FGD6: variants seen among roughly 807,000 people sequenced by gnomAD.
FGD6 encodes FYVE, RhoGEF and PH domain-containing protein 6.
Under a neutral mutation model 149.4 loss-of-function variants are expected in FGD6, and 90 were observed. The ratio of observed to expected loss-of-function variants is 0.60; its 90% CI spans 0.51 to 0.72. The LOEUF (loss-of-function observed/expected upper bound fraction) is 0.72. FGD6 is among the 30% of genes least tolerant of loss of function. The pLI is 0.00. For missense variants in FGD6, 1,437 were observed against 1,684.8 expected (o/e 0.85, Z 2.57); for synonymous variants, 527 against 584.0 (o/e 0.90, Z 1.41).
intron 3 of FGD6, among the ~76,000 whole-genome samples, chr12:95,158,002 T>C (rs1880524603): frequency 6.6e-6 from 1 of 151,262 alleles, no homozygotes; most frequent in Non-Finnish European, 1.5e-5. Flanking sequence ...CATGCACTAC[T>C]ACACTCAGCT....
intron 5 of FGD6, among the ~76,000 whole-genome samples, chr12:95,150,630 G>GA (rs1880283523): frequency 6.6e-6 from 1 of 150,400 alleles, no homozygotes; most frequent in Non-Finnish European, 1.5e-5. Context: ...TTTTTTTTTG[G>GA]AAAAAGGGTT....
rs1417508509 is a variant in FGD6, at chr12:95,124,375, C to G, written c.3082+10364G>C. 2.6e-5 allele frequency among the ~76,000 whole-genome samples: 4 copies of G among 152,284 alleles called. No homozygotes were observed. In the East Asian group the frequency reaches 7.7e-4, roughly 29 times the overall value. On this transcript the variant is annotated intron_variant, in intron 8 of 20. Transcript: ENST00000343958. Reference sequence around the variant, plus strand: ...CCTGAGTATCAACAAAGCAAACTTACGTTTAGGGACATAAGCACATTTTAT... The same window carrying G: ...CCTGAGTATCAACAAAGCAAACTTAGGTTTAGGGACATAAGCACATTTTAT...
chr12:95,106,859 A>G (rs61938198), intron 13 of FGD6, 95 bp downstream of exon 13: 286,161 of 981,300 alleles, frequency 0.29, 43,817 homozygotes, highest in East Asian at 0.38. Flanking sequence ...GTACCACTGC[A>G]CTCCAGCCTG....
chr12:95,169,985 G>T (rs1035396919), intron 3 of FGD6, among the ~76,000 whole-genome samples: 5 of 151,968 alleles, frequency 3.3e-5, no homozygotes, highest in Non-Finnish European at 1.5e-5. Flanking sequence ...GCCAGGTATG[G>T]TGGTGGGTGC....
chr12:95,141,401 T>C lies in FGD6; in HGVS notation c.2824A>G (p.Arg942Gly), dbSNP rs753333261. The change falls in exon 6 of 21, where the codon AGA becomes GGA. Residue 942 changes from arginine (R) to glycine (G), a missense_variant. Physicochemically the swap from Arg to Gly is moderately radical, Grantham distance 125. This residue lies in a region of FGD6 where 1,055 missense variants were observed against 1,146.0 expected (regional missense o/e 0.92). Coordinates refer to ENST00000343958, the MANE Select transcript of FGD6 (RefSeq NM_018351.4). ...GTCCATTTTTACCAGTGCAACATTC[T>C]TTCCTCCAGTTCCTTCAAGAGATCC... ...NRDLLKELEE[R>G]MLHWTEQQRI... The C allele has an allele frequency of 2.5e-6, 4 of 1,614,080 alleles. No individual in the cohort carries two copies. In the Admixed American group the frequency reaches 5.0e-5, roughly 20 times the overall value.
chr12:95,152,238 A>G (rs565050341), intron 5 of FGD6, among the ~76,000 whole-genome samples: 1 of 152,222 alleles, frequency 6.6e-6, no homozygotes, highest in South Asian at 2.1e-4. Context: ...AGGTAGGAGA[A>G]TTGCCTGAAC....
chr12:95,085,448 C>T (rs1409173228), intron 19 of FGD6: 2 of 274,204 alleles, frequency 7.3e-6, no homozygotes, highest in Non-Finnish European at 1.3e-5. Context: ...GGTGATCCAC[C>T]CCCACTCAGC....
chr12:95,080,834 A>G lies in FGD6; in HGVS notation c.*686T>C, dbSNP rs1877650957. The G allele has an allele frequency of 6.6e-6, 1 of 152,230 alleles. No individual in the cohort carries two copies. Among genetic ancestry groups the G allele is most frequent in the African/African-American group, 2.4e-5 (1 of 41,468 alleles). 9.4% of individuals were successfully genotyped at this position (152,230 alleles called of 1,614,324 possible). On this transcript the variant is annotated 3_prime_UTR_variant, in exon 21 of 21. Coordinates refer to ENST00000343958, the MANE Select transcript of FGD6 (RefSeq NM_018351.4). Reference sequence around the variant, plus strand: ...TTTGTGGTATTCTGCAAATAAAAACATCTTCATTCCTACTCACAGTTTTAA... The same window carrying G: ...TTTGTGGTATTCTGCAAATAAAAACGTCTTCATTCCTACTCACAGTTTTAA...
At chr12:95,144,072 T>C (rs58613228) in intron 5 of FGD6, among the ~76,000 whole-genome samples, 28,297 of 152,160 alleles carry the variant, frequency 0.19, 2,882 homozygotes, top group Non-Finnish European at 0.21. Flanking sequence ...CTGCATTCCA[T>C]ATGTCTGCCA....
chr12:95,161,872 G>T (rs1275579668), intron 3 of FGD6, among the ~76,000 whole-genome samples: 1 of 152,074 alleles, frequency 6.6e-6, no homozygotes, highest in African/African-American at 2.4e-5. Context: ...AAACATTAGT[G>T]ATCATTAGAA....
At chr12:95,094,360 A>G (rs1348070497) in intron 15 of FGD6, among the ~76,000 whole-genome samples, 2 of 152,182 alleles carry the variant, frequency 1.3e-5, no homozygotes, top group South Asian at 2.1e-4. Context: ...ATGAAGTTTT[A>G]TAGCTGGGAA....
rs191358437 is a variant in FGD6, at chr12:95,212,913, G to A, written c.17-1646C>T. Reference sequence around the variant, plus strand: ...GCAATAAAGATTATATGATGTATATGATGATACATGTCCTCTCACTCAATT... The same window carrying A: ...GCAATAAAGATTATATGATGTATATAATGATACATGTCCTCTCACTCAATT... On this transcript the variant is annotated intron_variant, in intron 1 of 20. Coordinates refer to ENST00000343958, the MANE Select transcript of FGD6 (RefSeq NM_018351.4). Among the ~76,000 whole-genome samples the A allele has an allele frequency of 6.1e-3, 930 of 152,270 alleles. 22 individuals carry two copies. The highest frequency in any genetic ancestry group is 3.9e-3 in the Non-Finnish European group (265 of 68,018).
At chr12:95,088,443 C>G (rs1488242818) in intron 18 of FGD6, among the ~76,000 whole-genome samples, 1 of 152,188 alleles carries the variant, frequency 6.6e-6, no homozygotes, top group Admixed American at 6.5e-5. Flanking sequence ...ACTGAGAGTA[C>G]TGAGGCTCTA....
intron 8 of FGD6, among the ~76,000 whole-genome samples, chr12:95,129,759 A>G (rs1286165735): frequency 6.6e-6 from 1 of 152,004 alleles, no homozygotes; most frequent in East Asian, 1.9e-4. Flanking sequence ...TGCAACGTCC[A>G]CCTCCCAGGT....
rs1330884235 is a variant in FGD6 at position 95,210,426 on chromosome 12, T to C, written c.858A>G (p.Ser286=). 1 of 1,614,158 alleles carries C rather than the reference T, an allele frequency of 6.2e-7. No individual in the cohort carries two copies. The highest frequency in any genetic ancestry group is 1.1e-5 in the South Asian group (1 of 91,064). Residue 286 remains serine, a synonymous_variant, in exon 2 of 21, where the codon TCA becomes TCG. Transcript: ENST00000343958. ...CTTCTGATTTCTTACTAACTCCATC[T>C]GAAGATATTAAAGTACTCCTTTTCC... ...ENGKRSTLIS[S]DGVSKKSEVK... is the part of the protein sequence containing the mutation.
At chr12:95,170,093 C>T (rs964140794) in intron 3 of FGD6, among the ~76,000 whole-genome samples, 2 of 151,978 alleles carry the variant, frequency 1.3e-5, no homozygotes, top group African/African-American at 4.8e-5. Flanking sequence ...TGCACTCCAG[C>T]CTGGGAGACA....
chr12:95,215,221 T>C (rs535635187), intron 1 of FGD6, among the ~76,000 whole-genome samples: 1 of 152,364 alleles, frequency 6.6e-6, no homozygotes, highest in East Asian at 1.9e-4. Flanking sequence ...CAGATTATTT[T>C]ATAGATGTAG....
intron 18 of FGD6, among the ~76,000 whole-genome samples, chr12:95,089,340 G>A (rs1258552222): frequency 6.6e-6 from 1 of 152,132 alleles, no homozygotes; most frequent in East Asian, 1.9e-4. Context: ...TTCTATCACT[G>A]CTATTAAATG....
chr12:95,085,633 A>G, intron 19 of FGD6, 147 bp downstream of exon 19: 1 of 831,922 alleles, frequency 1.2e-6, no homozygotes, highest in Non-Finnish European at 1.8e-6. Flanking sequence ...CACTGTTCAC[A>G]TTAAAAATAA....
Sources: allele counts gnomAD v4.1 joint callset (sites outside exome capture counted in the v4.1 genomes callset), GRCh38; gene constraint gnomAD v4.1.1; regional missense constraint gnomAD v4.1.1; transcripts MANE v1.5; gene names NCBI Gene and HGNC (gene_info 2026-07-23, HGNC 2026-07-21).